SGCD: variants seen among roughly 807,000 people sequenced by gnomAD.
The protein encoded by SGCD is delta-sarcoglycan.
Under a neutral mutation model 36.6 loss-of-function variants are expected in SGCD, and 18 were observed. The observed-to-expected ratio is 0.49, with a 90% CI of 0.34 to 0.73. The LOEUF (loss-of-function observed/expected upper bound fraction) is 0.73. Among genes scored for constraint, SGCD ranks in the 30% least tolerant of loss-of-function variants. The probability of loss-of-function intolerance (pLI) is 0.01; values close to 1 mark genes in which losing one functional copy is unlikely to be tolerated. For missense variants in SGCD, 387 were observed against 346.7 expected (o/e 1.12, Z -0.92); for synonymous variants, 133 against 130.6 (o/e 1.02, Z -0.12).
At chr5:155,956,571 C>A (rs556013774) in intron 1 of SGCD, among the ~76,000 whole-genome samples, 19 of 152,190 alleles carry the variant, frequency 1.2e-4, no homozygotes, top group African/African-American at 4.3e-4. Context: ...TGTTTTCAAG[C>A]AACACAAATT....
chr5:155,873,217 G>T (rs1022520080), intron 1 of SGCD, among the ~76,000 whole-genome samples: 1 of 152,050 alleles, frequency 6.6e-6, no homozygotes, highest in African/African-American at 2.4e-5. Context: ...CATGACTTTA[G>T]TTAGCCACAA....
chr5:156,453,816 A>G (rs62382695), intron 3 of SGCD, among the ~76,000 whole-genome samples: 35,098 of 152,242 alleles, frequency 0.23, 4,295 homozygotes, highest in Middle Eastern at 0.32. Flanking sequence ...ATGCAAGACC[A>G]TGGATTAATC....
At chr5:156,308,225 C>T (rs9986254) in intron 3 of SGCD, among the ~76,000 whole-genome samples, 13,152 of 151,274 alleles carry the variant, frequency 0.087, 592 homozygotes, top group South Asian at 0.19. Flanking sequence ...ACAATCGTGG[C>T]GGAGGGCAAA....
intron 3 of SGCD, among the ~76,000 whole-genome samples, chr5:156,225,644 C>G (rs1764835006): frequency 6.6e-6 from 1 of 151,976 alleles, no homozygotes; most frequent in African/African-American, 2.4e-5. Flanking sequence ...CCAAGTTTGC[C>G]TGTAGTTGCA....
At chr5:156,747,935 T>A (rs1757006908) in intron 7 of SGCD, among the ~76,000 whole-genome samples, 1 of 152,180 alleles carries the variant, frequency 6.6e-6, no homozygotes, top group East Asian at 1.9e-4. Context: ...AAGACTTGTG[T>A]AAGAATGTTC....
the SGCD span, among the ~76,000 whole-genome samples, chr5:155,851,246 A>C: frequency 6.6e-6 from 1 of 152,174 alleles, no homozygotes; most frequent in Non-Finnish European, 1.5e-5. Flanking sequence ...TTCAAGATCC[A>C]CATCAGTTGA....
chr5:155,924,294 T>C (rs1257380275), intron 1 of SGCD, among the ~76,000 whole-genome samples: 1 of 152,162 alleles, frequency 6.6e-6, no homozygotes, highest in Non-Finnish European at 1.5e-5. Flanking sequence ...AGGACCTGAA[T>C]GGGGGACAAA....
intron 1 of SGCD, among the ~76,000 whole-genome samples, chr5:155,914,801 G>A (rs1756703785): frequency 6.6e-6 from 1 of 152,130 alleles, no homozygotes; most frequent in Non-Finnish European, 1.5e-5. Context: ...TTTCTATACT[G>A]TTAATGCTAT....
intron 3 of SGCD, among the ~76,000 whole-genome samples, chr5:156,179,042 G>A (rs6861852): frequency 0.027 from 4,036 of 152,208 alleles, 187 homozygotes; most frequent in African/African-American, 0.092. Context: ...AATCAAAATA[G>A]GAAAAATGAC....
chr5:156,283,734 T>G (rs1217373985), intron 3 of SGCD, among the ~76,000 whole-genome samples: 2 of 152,214 alleles, frequency 1.3e-5, no homozygotes, highest in Admixed American at 1.3e-4. Flanking sequence ...CCTAGAGTTC[T>G]GACTCAGTAG....
chr5:155,907,359 G>T lies in SGCD; in HGVS notation c.-282+36935G>T, dbSNP rs147540735. ...ATTAATTATGCACCCATGGATCAAG[G>T]AGTTACTTTGACTTTCATGTCTTAT... On this transcript the variant is annotated intron_variant, in intron 1 of 9. Coordinates refer to the SGCD transcript ENST00000517913. 3.9e-4 allele frequency among the ~76,000 whole-genome samples: 60 copies of T among 152,210 alleles called. No homozygotes were observed. The East Asian group carries it at 9.7e-3, about 25-fold the overall frequency.
At chr5:156,073,506 G>A in intron 1 of SGCD, among the ~76,000 whole-genome samples, 1 of 152,134 alleles carries the variant, frequency 6.6e-6, no homozygotes, top group Non-Finnish European at 1.5e-5. Flanking sequence ...GAGGCTGCAG[G>A]GAGCTGTGGT....
chr5:156,701,469 C>A (rs1754525875), intron 7 of SGCD, among the ~76,000 whole-genome samples: 1 of 152,134 alleles, frequency 6.6e-6, no homozygotes, highest in South Asian at 2.1e-4. Context: ...CATCTTCCTT[C>A]TTCCACAATT....
In SGCD at chr5:156,169,402, G is replaced by T. The variant is rs115235396; in HGVS notation, c.-44+45383G>T. ...GGATAGAAAGACAACATTTTTTATT[G>T]TTTGACCTTCTGCAGATCACTGAAA... is the stretch of plus-strand genomic sequence containing the variant. On this transcript the variant is annotated intron_variant, in intron 3 of 9. Transcript: ENST00000517913. 7.7e-3 allele frequency among the ~76,000 whole-genome samples: 1,165 copies of T among 152,166 alleles called. 16 individuals are homozygous for T. Among genetic ancestry groups the T allele is most frequent in the African/African-American group, 0.027 (1,105 of 41,516 alleles).
At chr5:156,575,752 CA>C (rs141573923) in intron 4 of SGCD, among the ~76,000 whole-genome samples, 1 of 149,750 alleles carries the variant, frequency 6.7e-6, no homozygotes, top group African/African-American at 2.5e-5. Flanking sequence ...GTACTTTAAG[CA>C]AAAAAAAATA....
At chr5:155,915,569 G>A (rs1009728316) in intron 1 of SGCD, among the ~76,000 whole-genome samples, 4 of 152,078 alleles carry the variant, frequency 2.6e-5, no homozygotes, top group Admixed American at 6.6e-5. Context: ...ACATAGCATT[G>A]TATCAATTTT....
At chr5:156,678,439 C>T (rs530012321) in intron 7 of SGCD, among the ~76,000 whole-genome samples, 1 of 152,258 alleles carries the variant, frequency 6.6e-6, no homozygotes, top group African/African-American at 2.4e-5. Context: ...CTGTATACTA[C>T]TGCACCAAAA....
intron 1 of SGCD, among the ~76,000 whole-genome samples, chr5:156,101,027 A>G (rs1209956629): frequency 1.3e-5 from 2 of 152,204 alleles, no homozygotes; most frequent in African/African-American, 2.4e-5. Context: ...TTGTGCACCT[A>G]TAAGAAGAGA....
chr5:156,690,687 A>G (rs1754074590), intron 7 of SGCD, among the ~76,000 whole-genome samples: 1 of 152,162 alleles, frequency 6.6e-6, no homozygotes, highest in African/African-American at 2.4e-5. Context: ...TACTTTTAAG[A>G]GGAAGAAAAG....
Sources: gnomAD v4.1 joint callset for allele counts (sites outside exome capture counted in the v4.1 genomes callset) on GRCh38, gnomAD v4.1.1 for gene constraint, MANE v1.5 for transcripts, NCBI Gene and HGNC (gene_info 2026-07-23, HGNC 2026-07-21) for gene names.